PDE1A: variants seen among roughly 807,000 people sequenced by gnomAD.
PDE1A encodes the protein dual specificity calcium/calmodulin-dependent 3',5'-cyclic nucleotide phosphodiesterase 1A.
A neutral mutation model predicts 61.7 loss-of-function variants in PDE1A; 35 were observed. That is an observed-to-expected ratio of 0.57 (90% CI 0.43 to 0.75). PDE1A has a LOEUF of 0.75. PDE1A is among the 30% of genes least tolerant of loss of function. The probability of loss-of-function intolerance (pLI) is 0.00; values close to 1 mark genes in which losing one functional copy is unlikely to be tolerated. For synonymous variants in PDE1A, 232 were observed against 213.2 expected, an observed-to-expected ratio of 1.09 and a Z score of -0.77; for missense variants, 597 against 630.6, an observed-to-expected ratio of 0.95 and a Z score of 0.57.
chr2:182,160,880 T>C (rs183555960), intron 13 of PDE1A, among the ~76,000 whole-genome samples: 1 of 152,298 alleles, frequency 6.6e-6, no homozygotes, highest in South Asian at 2.1e-4. Flanking sequence ...AAAAGGAATT[T>C]CCTTAATTGG....
At chr2:182,209,071 G>A (rs2125518031) in intron 7 of PDE1A, among the ~76,000 whole-genome samples, 1 of 152,218 alleles carries the variant, frequency 6.6e-6, no homozygotes, top group South Asian at 2.1e-4. Flanking sequence ...TTCAGGAGGG[G>A]CCAGAAGTGG....
At chr2:182,468,643 G>A (rs1385598082) in intron 2 of PDE1A, among the ~76,000 whole-genome samples, 2 of 151,800 alleles carry the variant, frequency 1.3e-5, no homozygotes, top group Non-Finnish European at 2.9e-5. Flanking sequence ...GTTCTTAATG[G>A]GATTTGGAAT....
At chr2:182,546,788 T>G in the PDE1A span, among the ~76,000 whole-genome samples, 4 of 152,202 alleles carry the variant, frequency 2.6e-5, no homozygotes, top group Non-Finnish European at 4.4e-5. Context: ...AACATTTTAT[T>G]AACTCTAAAT....
At chr2:182,445,388 T>C (rs1282083598) in intron 2 of PDE1A, among the ~76,000 whole-genome samples, 2 of 152,108 alleles carry the variant, frequency 1.3e-5, no homozygotes, top group African/African-American at 2.4e-5. Context: ...AAAATAAACA[T>C]TCCATTTTCC....
At chr2:182,275,868 T>A (rs774930112) in intron 1 of PDE1A, among the ~76,000 whole-genome samples, 3 of 152,142 alleles carry the variant, frequency 2.0e-5, no homozygotes, top group Non-Finnish European at 2.9e-5. Context: ...TATTAATGAT[T>A]TAAATAGAAA....
At chr2:182,706,612 CA>C in the PDE1A span, among the ~76,000 whole-genome samples, 1 of 151,996 alleles carries the variant, frequency 6.6e-6, no homozygotes, top group Non-Finnish European at 1.5e-5. Flanking sequence ...ACACCCAACC[CA>C]TGTTCTTTCT....
intron 3 of PDE1A, among the ~76,000 whole-genome samples, chr2:182,238,279 AAAAG>A (rs1361689901): frequency 2.1e-5 from 3 of 144,320 alleles, no homozygotes; most frequent in Non-Finnish European, 1.5e-5. Flanking sequence ...AAAAAAAAAA[AAAAG>A]AAAAAGAAAA....
intron 2 of PDE1A, among the ~76,000 whole-genome samples, chr2:182,445,471 G>A (rs745609948): frequency 7.9e-5 from 12 of 151,986 alleles, no homozygotes; most frequent in African/African-American, 1.9e-4. Context: ...CACGGATGTC[G>A]GTGATTTCCT....
chr2:182,218,217 A>G (rs1055309866), intron 7 of PDE1A, among the ~76,000 whole-genome samples: 3 of 146,446 alleles, frequency 2.0e-5, no homozygotes, highest in Admixed American at 6.9e-5. Flanking sequence ...GGAATTGAAC[A>G]ATGAGAACAC....
upstream of PDE1A, among the ~76,000 whole-genome samples, chr2:182,525,484 G>A (rs2887209): frequency 1.3e-3 from 193 of 152,218 alleles, 2 homozygotes; most frequent in Non-Finnish European, 2.1e-3. Flanking sequence ...TAAAATATAA[G>A]CCCCAGTTCT....
chr2:182,693,423 A>AT, the PDE1A span, among the ~76,000 whole-genome samples: 4 of 152,194 alleles, frequency 2.6e-5, no homozygotes, highest in African/African-American at 9.6e-5. Context: ...CTAGCAGCTA[A>AT]TAATGTGCAG....
chr2:182,644,499 T>C, the PDE1A span, among the ~76,000 whole-genome samples: 13 of 152,036 alleles, frequency 8.6e-5, no homozygotes, highest in African/African-American at 3.1e-4. Flanking sequence ...CATTAGAAGG[T>C]AAGAATTATA....
At position 182,208,861 on chromosome 2, in the gene PDE1A, C is replaced by T. The variant is rs566047213; in HGVS notation, c.777-2796G>A. The stretch of plus-strand genomic sequence containing the variant: ...CTCCCTTTCGGAATAGGAGCATTTA[C>T]CCAATGCCTGTAACCCCATTATATC... On this transcript the variant is annotated intron_variant, in intron 7 of 13. Transcript: ENST00000351439. 2.0e-5 allele frequency among the ~76,000 whole-genome samples: 3 copies of T among 152,312 alleles called. No homozygotes were observed. In the South Asian group the frequency reaches 6.2e-4, roughly 32 times the overall value.
chr2:182,376,637 C>T (rs1000266197), intron 1 of PDE1A, among the ~76,000 whole-genome samples: 3 of 152,224 alleles, frequency 2.0e-5, no homozygotes, highest in Non-Finnish European at 4.4e-5. Context: ...GTTTCAAAGT[C>T]ACTTCCACAT....
At chr2:182,705,280 CAG>C in the PDE1A span, among the ~76,000 whole-genome samples, 6 of 152,132 alleles carry the variant, frequency 3.9e-5, no homozygotes, top group Non-Finnish European at 8.8e-5. Context: ...TCTGCTGGCT[CAG>C]TGGCATTTTT....
chr2:182,240,697 T>C (rs2568664), intron 2 of PDE1A, among the ~76,000 whole-genome samples: 108,463 of 152,136 alleles, frequency 0.71, 39,122 homozygotes, highest in African/African-American at 0.83. Context: ...GGATTGAATC[T>C]ATAATAGTTG....
At chr2:182,153,016 C>A (rs1234288377) in intron 13 of PDE1A, among the ~76,000 whole-genome samples, 1 of 152,020 alleles carries the variant, frequency 6.6e-6, no homozygotes, top group African/African-American at 2.4e-5. Flanking sequence ...GAGGAAAATA[C>A]AACAATTTAC....
intron 1 of PDE1A, among the ~76,000 whole-genome samples, chr2:182,318,160 C>T (rs1204326150): frequency 6.6e-6 from 1 of 152,130 alleles, no homozygotes; most frequent in Non-Finnish European, 1.5e-5. Context: ...ATTTCAGGCT[C>T]ACACTTTTAG....
chr2:182,427,057 T>C (rs1374925894), upstream of PDE1A: 1 of 982,516 alleles, frequency 1.0e-6, no homozygotes, highest in Non-Finnish European at 1.2e-6. Flanking sequence ...TCCCTGTCTT[T>C]AAAACAGACT....
Sources: allele counts gnomAD v4.1 joint callset (sites outside exome capture counted in the v4.1 genomes callset), GRCh38; gene constraint gnomAD v4.1.1; transcripts MANE v1.5; gene names NCBI Gene and HGNC (gene_info 2026-07-23, HGNC 2026-07-21).